SSBP2: variants seen among roughly 807,000 people sequenced by gnomAD.
SSBP2 encodes single stranded DNA binding protein 2.
A neutral mutation model predicts 61.8 loss-of-function variants in SSBP2; 17 were observed. The ratio of observed to expected loss-of-function variants is 0.28; its 90% CI spans 0.19 to 0.41. The LOEUF is 0.41. Ranked by LOEUF, SSBP2 falls within the 10% of genes least tolerant of loss-of-function variation. SSBP2 has a pLI of 1.00. For synonymous variants in SSBP2, 139 were observed against 141.3 expected (o/e 0.98, Z 0.12); for missense variants, 310 against 458.7 (o/e 0.68, Z 2.96).
At chr5:81,737,862 C>A (rs1341719565) in intron 1 of SSBP2, among the ~76,000 whole-genome samples, 1 of 151,778 alleles carries the variant, frequency 6.6e-6, no homozygotes, top group Non-Finnish European at 1.5e-5. Flanking sequence ...CATGGTAACT[C>A]ACCCTTCCAT....
intron 1 of SSBP2, among the ~76,000 whole-genome samples, chr5:81,717,550 C>G (rs1260741923): frequency 6.6e-6 from 1 of 152,132 alleles, no homozygotes; most frequent in Non-Finnish European, 1.5e-5. Context: ...CTTGGCAATT[C>G]AGACCCCAGG....
rs756561627 is a variant in SSBP2 at position 81,466,960 on chromosome 5, A to G, written c.638+14T>C. On this transcript the variant is annotated intron_variant, in intron 9 of 16. Transcript: ENST00000320672. Reference sequence around the variant, plus strand: ...TCCACGTAATAATGTAGTATATGATATAACATTGCTTACATGTTCATTCCA... The same window carrying G: ...TCCACGTAATAATGTAGTATATGATGTAACATTGCTTACATGTTCATTCCA... The G allele has an allele frequency of 1.3e-6, 2 of 1,550,924 alleles. No homozygotes were observed. The highest frequency in any genetic ancestry group is 1.7e-5 in the Admixed American group (1 of 59,600).
At chr5:81,694,170 A>G (rs1279003830) in intron 1 of SSBP2, among the ~76,000 whole-genome samples, 1 of 152,220 alleles carries the variant, frequency 6.6e-6, no homozygotes, top group Non-Finnish European at 1.5e-5. Context: ...GACAGTTATT[A>G]GAGTCTAAAG....
intron 8 of SSBP2, among the ~76,000 whole-genome samples, chr5:81,471,888 A>T (rs1048445191): frequency 1.3e-5 from 2 of 151,998 alleles, no homozygotes; most frequent in African/African-American, 4.8e-5. Context: ...CCTTGTTTCA[A>T]TATAGTCAAT....
At chr5:81,476,446 G>A (rs149831473) in intron 6 of SSBP2, among the ~76,000 whole-genome samples, 287 of 152,078 alleles carry the variant, frequency 1.9e-3, no homozygotes, top group African/African-American at 6.7e-3. Context: ...TACCTATCAT[G>A]TCCTCAACAA....
At chr5:81,489,217 T>TTA in intron 6 of SSBP2, 33 bp downstream of exon 6, 1 of 1,556,970 alleles carries the variant, frequency 6.4e-7, no homozygotes, top group Middle Eastern at 1.7e-4. Flanking sequence ...TCTTTGATTC[T>TTA]TACAAAAAAC....
At position 81,420,837 on chromosome 5, in the gene SSBP2, G is replaced by A. The variant is rs571950171; in HGVS notation, c.1057-304C>T. Among the ~76,000 whole-genome samples, 26 of 152,230 alleles carry A rather than the reference G, an allele frequency of 1.7e-4. No individual in the cohort carries two copies. In the South Asian group the frequency reaches 4.6e-3, roughly 27 times the overall value. ...ATCCAGACAGATTTATGTTTTGCAG[G>A]CACTTGTAAAAACCTTTGGTAAATT... On this transcript the variant is annotated intron_variant, in intron 16 of 16. Transcript: ENST00000320672.
intron 1 of SSBP2, among the ~76,000 whole-genome samples, chr5:81,689,906 T>C (rs963776932): frequency 2.6e-5 from 4 of 152,022 alleles, no homozygotes; most frequent in African/African-American, 9.7e-5. Flanking sequence ...TCTCAAGATG[T>C]AGACAGTACA....
intron 10 of SSBP2, among the ~76,000 whole-genome samples, chr5:81,458,378 G>C (rs563282575): frequency 6.6e-6 from 1 of 152,198 alleles, no homozygotes; most frequent in South Asian, 2.1e-4. Flanking sequence ...AAGTATTTAG[G>C]GATAAAGTTT....
At chr5:81,492,812 T>TA in intron 5 of SSBP2, among the ~76,000 whole-genome samples, 1 of 152,276 alleles carries the variant, frequency 6.6e-6, no homozygotes, top group African/African-American at 2.4e-5. Context: ...TTCTCAACCT[T>TA]AAAATGAGAG....
At chr5:81,459,305 C>T (rs1396740267) in intron 10 of SSBP2, among the ~76,000 whole-genome samples, 4 of 152,140 alleles carry the variant, frequency 2.6e-5, no homozygotes, top group Non-Finnish European at 4.4e-5. Flanking sequence ...TAATATACCC[C>T]CTTGGTACAA....
intron 4 of SSBP2, among the ~76,000 whole-genome samples, chr5:81,547,500 G>A (rs535141057): frequency 2.0e-5 from 3 of 152,074 alleles, no homozygotes; most frequent in South Asian, 2.1e-4. Flanking sequence ...AGGATCTCAC[G>A]CTGTTGCCCA....
chr5:81,455,588 CGCAGTCCGG>C (rs1764083943), intron 10 of SSBP2, among the ~76,000 whole-genome samples: 2 of 114,152 alleles, frequency 1.8e-5, no homozygotes. Flanking sequence ...CACTGCAGTC[CGCAGTCCGG>C]CCTGGGCGAC....
intron 15 of SSBP2, among the ~76,000 whole-genome samples, chr5:81,430,651 A>G (rs1762224458): frequency 6.6e-6 from 1 of 152,188 alleles, no homozygotes; most frequent in Admixed American, 6.5e-5. Flanking sequence ...CACACAAAAT[A>G]CTTCCAGTGT....
intron 13 of SSBP2, among the ~76,000 whole-genome samples, chr5:81,441,566 T>C (rs1763037602): frequency 1.3e-5 from 2 of 152,110 alleles, no homozygotes; most frequent in South Asian, 2.1e-4. Context: ...GTGGATGCAG[T>C]GGTGGTGGTG....
intron 3 of SSBP2, among the ~76,000 whole-genome samples, chr5:81,629,117 G>C (rs1747454913): frequency 6.6e-6 from 1 of 152,144 alleles, no homozygotes; most frequent in Non-Finnish European, 1.5e-5. Flanking sequence ...CTCCCAAGTA[G>C]CTGGGATTAG....
intron 4 of SSBP2, among the ~76,000 whole-genome samples, chr5:81,569,744 T>A (rs1261359760): frequency 6.6e-6 from 1 of 152,088 alleles, no homozygotes; most frequent in East Asian, 1.9e-4. Flanking sequence ...TGGCAGGTTT[T>A]AAAAAAAATC....
In SSBP2 at chr5:81,668,751, A is replaced by AT. The variant is rs1208117020; in HGVS notation, c.63-18413dup. 3.9e-5 allele frequency among the ~76,000 whole-genome samples: 6 copies of AT among 152,250 alleles called. No individual in the cohort carries two copies. The South Asian group carries it at 1.0e-3, about 26-fold the overall frequency. Reference sequence around the variant, plus strand: ...AAAAATTTTGGAATATTCATTTGAAATTAGTGTCTTTAATAAAGGTCTTGT... The same window carrying AT: ...AAAAATTTTGGAATATTCATTTGAAATTTAGTGTCTTTAATAAAGGTCTTGT... On this transcript the variant is annotated intron_variant, in intron 1 of 16. Transcript: ENST00000320672.
chr5:81,547,036 C>CAAAAAAA (rs61254614), intron 4 of SSBP2, among the ~76,000 whole-genome samples: 696 of 53,622 alleles, frequency 0.013, 55 homozygotes, highest in African/African-American at 0.036. Context: ...AAATCTTGGC[C>CAAAAAAA]AAAAAAAAAA....
Sources: gnomAD v4.1 joint callset for allele counts (sites outside exome capture counted in the v4.1 genomes callset) on GRCh38, gnomAD v4.1.1 for gene constraint, MANE v1.5 for transcripts, NCBI Gene and HGNC (gene_info 2026-07-23, HGNC 2026-07-21) for gene names.